The following NLRC5 variants were observed in gnomAD, a reference collection of about 807,000 sequenced individuals.
NLRC5 encodes the protein protein NLRC5.
Under a neutral mutation model 206.9 loss-of-function variants are expected in NLRC5, and 114 were observed. The observed-to-expected ratio is 0.55, with a 90% CI of 0.47 to 0.64. The LOEUF (loss-of-function observed/expected upper bound fraction) is 0.64, where lower values mean the gene tolerates loss of function less well. Among genes scored for constraint, NLRC5 ranks in the 30% least tolerant of loss-of-function variants. The pLI, the probability that NLRC5 is intolerant of heterozygous loss-of-function variation, is 0.00. For synonymous variants in NLRC5, 952 were observed against 962.8 expected (o/e 0.99, Z 0.21); for missense variants, 2,008 against 2,305.5 (o/e 0.87, Z 2.64).
chr16:56,994,444 C>T (rs538599926), intron 1 of NLRC5, among the ~76,000 whole-genome samples: 7 of 152,342 alleles, frequency 4.6e-5, no homozygotes, highest in African/African-American at 1.7e-4. Flanking sequence ...CTGCTCTAGG[C>T]ACTGGGCTAC....
intron 19 of NLRC5, 122 bp from the exon 20 acceptor site, chr16:57,043,393 T>A (rs912805703): frequency 2.3e-5 from 18 of 795,254 alleles, no homozygotes; most frequent in Non-Finnish European, 3.9e-5. Context: ...TCTGACCATC[T>A]TGGGTTCAGT....
chr16:57,043,169 T>C (rs1597325676), intron 19 of NLRC5, among the ~76,000 whole-genome samples: 2 of 152,106 alleles, frequency 1.3e-5, no homozygotes, highest in Non-Finnish European at 2.9e-5. Context: ...GCATTTTCAT[T>C]TTGTCCTGGG....
rs1162452018 is a variant in NLRC5, at chr16:57,055,528, A to C, written c.3746+9A>C. ...GACCTCAGCCAGGTGGAGTAAGTTG[A>C]GGGAGGAGGAGGAAGGAGAGGAGCA... On this transcript the variant is annotated intron_variant, in intron 27 of 48. Transcript: ENST00000688547. 1 of 1,610,874 alleles carries C rather than the reference A, an allele frequency of 6.2e-7. No individual in the cohort carries two copies. Among genetic ancestry groups the C allele is most frequent in the East Asian group, 2.2e-5 (1 of 44,846 alleles).
rs878972384 is a variant in NLRC5, at chr16:57,026,307, C to G, written c.1364C>G (p.Ser455Trp). Residue 455 changes from serine to tryptophan, a missense_variant, in exon 6 of 49, where the codon TCG becomes TGG. Transcript: ENST00000688547. ...AGCCCCCCTGGGCACTTGCCCACCT[C>G]GTCCCTACTGGACCTGGGGGAGGTG... The part of the protein sequence containing the change: ...ALSPPGHLPT[S>W]SLLDLGEVAL... The G allele has an allele frequency of 4.3e-6, 7 of 1,614,046 alleles. No individual in the cohort carries two copies. The South Asian group carries it at 4.4e-5, about 10-fold the overall frequency.
intron 10 of NLRC5, 98 bp downstream of exon 10, chr16:57,030,182 A>T: frequency 1.0e-6 from 1 of 973,608 alleles, no homozygotes; most frequent in Non-Finnish European, 1.6e-6. Context: ...CTGCAGGATA[A>T]ATCTGTGCAT....
At chr16:57,077,237 A>G (rs1597459957) in intron 40 of NLRC5, 59 bp from the exon 41 acceptor site, 2 of 1,474,034 alleles carry the variant, frequency 1.4e-6, no homozygotes, top group East Asian at 4.5e-5. Context: ...TTTTTCTGGG[A>G]GTGGGGTGTG....
chr16:57,059,466 G>GAGC lies in NLRC5; in HGVS notation c.3921-1_3921insAGC (p.Asn1307delinsLysAla). 1 of 1,607,396 alleles carries GAGC rather than the reference G, an allele frequency of 6.2e-7. No homozygotes were observed. The highest frequency in any genetic ancestry group is 8.5e-7 in the Non-Finnish European group (1 of 1,176,940). ...GCTTCCCCAGGCCCTTCTCTCTGCAGCCTGGGCTCTGAGCAGAGCTTCCGG... is the reference window on the plus strand; with the variant it reads ...GCTTCCCCAGGCCCTTCTCTCTGCAGAGCCCTGGGCTCTGAGCAGAGCTTCCGG... On this transcript the variant is annotated protein_altering_variant and splice_region_variant. Coordinates refer to ENST00000688547, the MANE Select transcript of NLRC5 (RefSeq NM_001384950.1).
intron 1 of NLRC5, among the ~76,000 whole-genome samples, chr16:56,996,416 G>A (rs1296737571): frequency 1.3e-5 from 2 of 152,164 alleles, no homozygotes; most frequent in Non-Finnish European, 2.9e-5. Flanking sequence ...AAACTCCTGA[G>A]CTCAAGCAGT....
intron 1 of NLRC5, among the ~76,000 whole-genome samples, chr16:57,014,963 C>G (rs1177341388): frequency 6.6e-6 from 1 of 150,888 alleles, no homozygotes; most frequent in Non-Finnish European, 1.5e-5. Flanking sequence ...GAGTCTTGCT[C>G]TGTTGCCCAG....
chr16:57,071,304 A>G (rs189159438), intron 38 of NLRC5, among the ~76,000 whole-genome samples: 82 of 105,930 alleles, frequency 7.7e-4, no homozygotes, highest in African/African-American at 2.5e-3. Context: ...GTTGTGAGTG[A>G]GTGGTGATGG....
intron 46 of NLRC5, among the ~76,000 whole-genome samples, chr16:57,080,023 A>T (rs1315687549): frequency 6.6e-6 from 1 of 152,062 alleles, no homozygotes; most frequent in Admixed American, 6.6e-5. Context: ...AAGCCAGGAG[A>T]AAGCCACCCC....
chr16:57,025,450 C>G lies in NLRC5; in HGVS notation c.507C>G (p.Pro169=). 6.2e-7 allele frequency: 1 copy of G among 1,609,000 alleles called. No homozygotes were observed. Among genetic ancestry groups the G allele is most frequent in the Non-Finnish European group, 8.5e-7 (1 of 1,177,132 alleles). Reference sequence around the variant, plus strand: ...GCCAAATCCCTGGGTCAGGGCAGCCCCACGCCTTCCACCAGGTCTATGTCC... The same window carrying G: ...GCCAAATCCCTGGGTCAGGGCAGCCGCACGCCTTCCACCAGGTCTATGTCC... ...YRSQIPGSGQ[P]HAFHQVYVPP... is the part of the protein sequence containing the mutation. Residue 169 remains proline (P), a synonymous_variant, in exon 6 of 49, where the codon CCC becomes CCG. Transcript: ENST00000688547.
At position 57,061,738 on chromosome 16, in the gene NLRC5, G is replaced by A. The variant is rs569160113; in HGVS notation, c.4154+37G>A. ...CCCGCTGCCTCCGGGAGGGGCCATG[G>A]CATGAATGGGAGCAGGGGTGGGCAC... On this transcript the variant is annotated intron_variant, in intron 32 of 48. Coordinates refer to ENST00000688547, the MANE Select transcript of NLRC5 (RefSeq NM_001384950.1). 2.5e-6 allele frequency: 4 copies of A among 1,585,082 alleles called. No homozygotes were observed. In the South Asian group the frequency reaches 4.5e-5, roughly 18 times the overall value.
At chr16:57,013,397 TTTC>T (rs2059704622) in intron 1 of NLRC5, 2 of 633,208 alleles carry the variant, frequency 3.2e-6, no homozygotes, top group South Asian at 1.7e-5. Flanking sequence ...TGTTGAACAA[TTTC>T]TTATTTTGAA....
At chr16:57,001,072 C>T (rs1424930392) in intron 1 of NLRC5, among the ~76,000 whole-genome samples, 1 of 152,238 alleles carries the variant, frequency 6.6e-6, no homozygotes, top group Non-Finnish European at 1.5e-5. Flanking sequence ...GCCCTGACAT[C>T]ATCAGCCATT....
At chr16:57,067,680 G>T (rs1363305220) in intron 35 of NLRC5, 56 bp from the exon 36 acceptor site, 4 of 1,540,484 alleles carry the variant, frequency 2.6e-6, no homozygotes, top group East Asian at 4.5e-5. Context: ...TGGATGTGAT[G>T]ACCTCTGAGG....
At chr16:57,008,570 A>G (rs1245492498) in intron 1 of NLRC5, among the ~76,000 whole-genome samples, 1 of 152,240 alleles carries the variant, frequency 6.6e-6, no homozygotes, top group African/African-American at 2.4e-5. Context: ...CAGAAATTGC[A>G]CAGGACTTAT....
chr16:57,065,267 G>A lies in NLRC5; in HGVS notation c.4210G>A (p.Ala1404Thr), dbSNP rs762152034. 8.8e-6 allele frequency: 14 copies of A among 1,582,896 alleles called. No homozygotes were observed. Among genetic ancestry groups the A allele is most frequent in the African/African-American group, 5.4e-5 (4 of 73,474 alleles). Reference sequence around the variant, plus strand: ...GGTTCTCTCCCTGTTAGAAGTCTGCGCCCAGGCCTCAGGCAGTGTCACTGA... The same window carrying A: ...GGTTCTCTCCCTGTTAGAAGTCTGCACCCAGGCCTCAGGCAGTGTCACTGA... ...ARVLSLLEVC[A>T]QASGSVTEIS... The change falls in exon 33 of 49, where the codon GCC becomes ACC. Residue 1404 changes from alanine to threonine, a missense_variant. Coordinates refer to ENST00000688547, the MANE Select transcript of NLRC5 (RefSeq NM_001384950.1).
chr16:57,059,028 C>T lies in NLRC5; in HGVS notation c.3887C>T (p.Pro1296Leu), dbSNP rs1422447474. ...GCCCTGTACCTGCTGGAGACACTGC[C>T]CTCCTGCCCACGTGTCCGGGAGGCC... ...ESALYLLETL[P>L]SCPRVREASV... is the part of the protein sequence containing the mutation. The change falls in exon 29 of 49, where the codon CCC (proline) becomes CTC (leucine). Residue 1296 changes from proline to leucine, a missense_variant. Transcript: ENST00000688547. 1.9e-6 allele frequency: 3 copies of T among 1,614,134 alleles called. No individual in the cohort carries two copies. Among genetic ancestry groups the T allele is most frequent in the Non-Finnish European group, 2.5e-6 (3 of 1,180,002 alleles).
Sources: gnomAD v4.1 joint callset for allele counts (sites outside exome capture counted in the v4.1 genomes callset) on GRCh38, gnomAD v4.1.1 for gene constraint, MANE v1.5 for transcripts, NCBI Gene and HGNC (gene_info 2026-07-23, HGNC 2026-07-21) for gene names.